The following PRKCH variants were observed in gnomAD, a reference collection of about 807,000 sequenced individuals.
PRKCH encodes the protein protein kinase C eta type.
PRKCH carries 28 observed loss-of-function variants against 82.5 expected under a neutral mutation model. The ratio of observed to expected loss-of-function variants is 0.34; its 90% CI spans 0.25 to 0.47. PRKCH has a LOEUF of 0.47. PRKCH is among the 20% of genes least tolerant of loss of function. The probability of loss-of-function intolerance (pLI) is 1.00; values close to 1 mark genes in which losing one functional copy is unlikely to be tolerated. For missense variants in PRKCH, 705 were observed against 881.8 expected (o/e 0.80, Z 2.54); for synonymous variants, 322 against 327.4 (o/e 0.98, Z 0.18).
chr14:61,484,054 G>C (rs1421220053), intron 9 of PRKCH, among the ~76,000 whole-genome samples: 1 of 152,088 alleles, frequency 6.6e-6, no homozygotes, highest in African/African-American at 2.4e-5. Flanking sequence ...CAAAAATAAT[G>C]ATAGGTTCTG....
intron 1 of PRKCH, among the ~76,000 whole-genome samples, chr14:61,269,524 C>T (rs1594883318): frequency 6.6e-6 from 1 of 152,158 alleles, no homozygotes; most frequent in Admixed American, 6.5e-5. Flanking sequence ...CCAACCTCCA[C>T]CCTCTCATGG....
chr14:61,257,636 C>T (rs554298406), intron 1 of PRKCH, among the ~76,000 whole-genome samples: 155 of 150,294 alleles, frequency 1.0e-3, no homozygotes, highest in African/African-American at 3.4e-3. Context: ...CACACCCCCA[C>T]ACACACACAC....
intron 9 of PRKCH, among the ~76,000 whole-genome samples, chr14:61,479,641 G>A (rs1039846358): frequency 3.9e-5 from 6 of 152,066 alleles, no homozygotes; most frequent in Non-Finnish European, 8.8e-5. Flanking sequence ...AACTCCTATC[G>A]AACAGCCCTT....
chr14:61,431,306 A>G (rs1397725560), intron 2 of PRKCH, among the ~76,000 whole-genome samples: 3 of 152,242 alleles, frequency 2.0e-5, no homozygotes, highest in Non-Finnish European at 2.9e-5. Context: ...GGGAGGAGAG[A>G]CACAAACCTC....
intron 1 of PRKCH, among the ~76,000 whole-genome samples, chr14:61,308,707 C>T (rs1566814344): frequency 6.6e-6 from 1 of 152,154 alleles, no homozygotes; most frequent in Non-Finnish European, 1.5e-5. Flanking sequence ...CGGTTCACTG[C>T]AGCCTCAAAC....
chr14:61,547,275 A>ACT (rs1041729927), intron 12 of PRKCH, among the ~76,000 whole-genome samples: 2 of 149,054 alleles, frequency 1.3e-5, no homozygotes, highest in Admixed American at 1.3e-4. Context: ...AAAAATAACG[A>ACT]CTCTCTCTCC....
chr14:61,291,510 A>G (rs556541812), intron 1 of PRKCH, among the ~76,000 whole-genome samples: 125 of 152,046 alleles, frequency 8.2e-4, no homozygotes, highest in Admixed American at 2.9e-3. Context: ...TTGTATTTTT[A>G]GTAGAGACGA....
chr14:61,473,629 A>G lies in PRKCH; in HGVS notation c.1279-11873A>G, dbSNP rs560389747. ...TTCAGTGGTAAGATGCTTGTTTGTC[A>G]GAAACACACTTGAGATGGGAGATCA... On this transcript the variant is annotated intron_variant, in intron 9 of 13. Coordinates refer to ENST00000332981, the MANE Select transcript of PRKCH (RefSeq NM_006255.5). 5.9e-5 allele frequency among the ~76,000 whole-genome samples: 9 copies of G among 152,342 alleles called. No individual in the cohort carries two copies. In the South Asian group the frequency reaches 1.9e-3, roughly 32 times the overall value.
intron 1 of PRKCH, among the ~76,000 whole-genome samples, chr14:61,343,026 G>A (rs1426149905): frequency 4.6e-5 from 7 of 152,194 alleles, no homozygotes; most frequent in African/African-American, 1.7e-4. Context: ...ATATTGTTCT[G>A]AAAGAGGTGG....
chr14:61,307,265 T>G (rs1452589610), intron 1 of PRKCH: 2 of 152,168 alleles, frequency 1.3e-5, no homozygotes, highest in Admixed American at 6.5e-5. Context: ...AGTAAATAAC[T>G]TTTTTTCCTA....
chr14:61,439,686 C>T (rs538917176), intron 2 of PRKCH, among the ~76,000 whole-genome samples: 16 of 152,092 alleles, frequency 1.1e-4, no homozygotes, highest in African/African-American at 3.4e-4. Flanking sequence ...GCATGTCACC[C>T]GGCTTTAGGA....
At chr14:61,506,707 G>A (rs1887166615) in intron 10 of PRKCH, among the ~76,000 whole-genome samples, 1 of 152,130 alleles carries the variant, frequency 6.6e-6, no homozygotes, top group South Asian at 2.1e-4. Flanking sequence ...CTTCCCTATG[G>A]TCACTGGCTC....
intron 10 of PRKCH, among the ~76,000 whole-genome samples, chr14:61,498,014 C>CTATT (rs920925005): frequency 3.3e-5 from 5 of 151,848 alleles, no homozygotes; most frequent in African/African-American, 7.3e-5. Context: ...AAATGCCATC[C>CTATT]TATTTATTTA....
chr14:61,327,061 C>T (rs1277906481), intron 1 of PRKCH: 1 of 455,884 alleles, frequency 2.2e-6, no homozygotes, highest in African/African-American at 2.0e-5. Flanking sequence ...ACCTTGGCGC[C>T]CCCTCAGGAA....
intron 11 of PRKCH, 66 bp downstream of exon 11, chr14:61,529,279 A>G: frequency 2.0e-6 from 3 of 1,528,770 alleles, no homozygotes; most frequent in Non-Finnish European, 2.6e-6. Context: ...CAGAAATGCC[A>G]CTGGCTGCTT....
chr14:61,518,545 A>G (rs144608885), intron 10 of PRKCH, among the ~76,000 whole-genome samples: 77 of 152,138 alleles, frequency 5.1e-4, no homozygotes, highest in African/African-American at 1.7e-3. Flanking sequence ...TACACTGAGG[A>G]TGTTTATCAA....
chr14:61,531,228 C>T (rs1339098019), intron 12 of PRKCH, among the ~76,000 whole-genome samples: 1 of 152,096 alleles, frequency 6.6e-6, no homozygotes, highest in Admixed American at 6.5e-5. Flanking sequence ...GTACTGGACG[C>T]CTTTATGTTG....
chr14:61,436,323 T>G (rs1883676563), intron 2 of PRKCH, among the ~76,000 whole-genome samples: 1 of 152,192 alleles, frequency 6.6e-6, no homozygotes, highest in African/African-American at 2.4e-5. Context: ...TTGTGTGGGC[T>G]GAGATTCCTC....
chr14:61,482,178 G>A (rs1030593991), intron 9 of PRKCH, among the ~76,000 whole-genome samples: 1 of 151,536 alleles, frequency 6.6e-6, no homozygotes, highest in Admixed American at 6.6e-5. Flanking sequence ...TGTACTTTTA[G>A]TAGAGACGGG....
Sources: allele counts gnomAD v4.1 joint callset (sites outside exome capture counted in the v4.1 genomes callset), GRCh38; gene constraint gnomAD v4.1.1; transcripts MANE v1.5; gene names NCBI Gene and HGNC (gene_info 2026-07-23, HGNC 2026-07-21).